Variants in ZNF236 observed in about 807,000 individuals in gnomAD.
The protein encoded by ZNF236 is zinc finger protein 236, also known as regulated by glucose.
ZNF236 carries 50 observed loss-of-function variants against 191.2 expected under a neutral mutation model. The observed-to-expected ratio is 0.26, with a 90% CI of 0.21 to 0.33. The LOEUF is 0.33. Among genes scored for constraint, ZNF236 ranks in the 10% least tolerant of loss-of-function variants. The pLI is 1.00. For synonymous variants in ZNF236, 907 were observed against 928.8 expected (o/e 0.98, Z 0.43); for missense variants, 1,754 against 2,374.5 (o/e 0.74, Z 5.43).
chr18:76,922,500 C>T (rs1476321554), intron 20 of ZNF236, among the ~76,000 whole-genome samples: 2 of 151,502 alleles, frequency 1.3e-5, no homozygotes, highest in African/African-American at 4.8e-5. Flanking sequence ...ACTCTGATAT[C>T]GTTTGGGTTT....
chr18:76,842,602 TTAGCTGGGTGTGG>T (rs112851915), intron 1 of ZNF236, among the ~76,000 whole-genome samples: 2,202 of 152,152 alleles, frequency 0.014, 62 homozygotes, highest in African/African-American at 0.05. Flanking sequence ...AAATACAAAA[TTAGCTGGGTGTGG>T]TGGCGCATGC....
intron 26 of ZNF236, among the ~76,000 whole-genome samples, chr18:76,947,106 G>A (rs592504): frequency 0.48 from 73,541 of 151,758 alleles, 19,555 homozygotes; most frequent in Non-Finnish European, 0.59. Flanking sequence ...AGATGCATCC[G>A]TTCTGGGTAT....
intron 30 of ZNF236, among the ~76,000 whole-genome samples, chr18:76,963,448 C>A (rs1467282310): frequency 6.6e-6 from 1 of 152,092 alleles, no homozygotes; most frequent in Non-Finnish European, 1.5e-5. Context: ...GGTGGAGTAT[C>A]TTTTTGATAT....
At position 76,960,259 on chromosome 18, in the gene ZNF236, GA is replaced by G. The variant is rs1052106139; in HGVS notation, c.5243-412del. Among the ~76,000 whole-genome samples, 3 of 152,006 alleles carry G rather than the reference GA, an allele frequency of 2.0e-5. No individual in the cohort carries two copies. Among genetic ancestry groups the G allele is most frequent in the Non-Finnish European group, 1.5e-5 (1 of 67,958 alleles). Reference sequence around the variant, plus strand: ...ATCTGCTCAAACCTTTTGTCTTAGAGAAAAAAAACACACGGAACAAAGAAAC... The same window carrying G: ...ATCTGCTCAAACCTTTTGTCTTAGAGAAAAAAACACACGGAACAAAGAAAC... On this transcript the variant is annotated intron_variant, in intron 29 of 30. Transcript: ENST00000320610. The surrounding 1 kb of genome is among the most constrained non-coding windows in gnomAD (Gnocchi z 4.4).
At chr18:76,895,890 A>C (rs957025681) in intron 10 of ZNF236, among the ~76,000 whole-genome samples, 3 of 147,384 alleles carry the variant, frequency 2.0e-5, no homozygotes, top group Non-Finnish European at 4.6e-5. Context: ...TGCTGTACCC[A>C]CACTGGTACT....
intron 26 of ZNF236, among the ~76,000 whole-genome samples, chr18:76,941,643 G>A (rs185053570): frequency 6.6e-6 from 1 of 152,172 alleles, no homozygotes; most frequent in East Asian, 1.9e-4. Flanking sequence ...TGAGCAGCAC[G>A]AGCCGGGTGG....
Position 76,875,212 on chromosome 18 carries a change from TTTGCCTGATCCCCTGGAAGGATGGCA to T in ZNF236, c.668-246_668-221del, listed in dbSNP as rs557282291. Among the ~76,000 whole-genome samples the T allele has an allele frequency of 3.4e-3, 511 of 152,162 alleles. No individual in the cohort carries two copies. Among genetic ancestry groups the T allele is most frequent in the South Asian group, 5.0e-3 (24 of 4,816 alleles). On this transcript the variant is annotated intron_variant, in intron 5 of 30. Coordinates refer to ENST00000320610, the MANE Select transcript of ZNF236 (RefSeq NM_001306089.2). This position sits in a 1 kb window ranked among gnomAD's most constrained non-coding sequence, Gnocchi z 4.3. ...AAAGATAAGGATGACTCCAAGGTTT[TTTGCCTGATCCCCTGGAAGGATGGCA>T]TTGCCTGATCCCCTGGAAGGATGGC...
chr18:76,900,583 T>C (rs1220060615), intron 11 of ZNF236, among the ~76,000 whole-genome samples: 2 of 152,132 alleles, frequency 1.3e-5, no homozygotes, highest in Non-Finnish European at 2.9e-5. Flanking sequence ...ACTTATAAAA[T>C]AGCCATCCAA....
In ZNF236 at chr18:76,960,012, G is replaced by A. The variant is rs183896291; in HGVS notation, c.5242+196G>A. On this transcript the variant is annotated intron_variant, in intron 29 of 30. Coordinates refer to ENST00000320610, the MANE Select transcript of ZNF236 (RefSeq NM_001306089.2). The surrounding 1 kb of genome is among the most constrained non-coding windows in gnomAD (Gnocchi z 4.4). ...AACTTTTCACATGGAAGATTTTGCT[G>A]CTTACATTATGACCATATGAAACAG... Among the ~76,000 whole-genome samples, 144 of 152,234 alleles carry A rather than the reference G, an allele frequency of 9.5e-4. 1 individual carries two copies. Among genetic ancestry groups the A allele is most frequent in the African/African-American group, 3.1e-3 (128 of 41,538 alleles).
chr18:76,936,534 T>C (rs943078788), intron 25 of ZNF236, among the ~76,000 whole-genome samples: 2 of 152,246 alleles, frequency 1.3e-5, no homozygotes, highest in Non-Finnish European at 2.9e-5. Context: ...TGAAGAAAAT[T>C]AAGATGTCAT....
intron 18 of ZNF236, among the ~76,000 whole-genome samples, chr18:76,914,697 T>A (rs1967309158): frequency 6.6e-6 from 1 of 152,212 alleles, no homozygotes; most frequent in African/African-American, 2.4e-5. Flanking sequence ...TCTGTTCTAA[T>A]CCTATGCCCA....
At chr18:76,952,503 T>A (rs1263071554) in intron 27 of ZNF236, among the ~76,000 whole-genome samples, 1 of 152,180 alleles carries the variant, frequency 6.6e-6, no homozygotes, top group Non-Finnish European at 1.5e-5. Context: ...CTGGGACCAT[T>A]TGAAGCACCC....
rs1967350764 is a variant in ZNF236 at position 76,915,919 on chromosome 18, A to G, written c.3274+60A>G. On this transcript the variant is annotated intron_variant, in intron 19 of 30. Coordinates refer to ENST00000320610, the MANE Select transcript of ZNF236 (RefSeq NM_001306089.2). ...CCGATGCTAATTTAGGAATAAATCC[A>G]TTCACAAATCACCGTGAGTATTTTG... is the stretch of plus-strand genomic sequence containing the variant. 4 of 1,513,400 alleles carry G rather than the reference A, an allele frequency of 2.6e-6. No individual in the cohort carries two copies. The Admixed American group carries it at 6.9e-5, about 26-fold the overall frequency. The allele number at this position is 1,513,400 out of a possible 1,614,324, so 93.7% of individuals were successfully genotyped here. A position where few individuals can be genotyped will look rare whatever the true frequency, so the allele number is the denominator to read the frequency against.
At chr18:76,870,242 G>A (rs1174733615) in intron 4 of ZNF236, among the ~76,000 whole-genome samples, 1 of 150,390 alleles carries the variant, frequency 6.6e-6, no homozygotes, top group East Asian at 2.0e-4. Context: ...AATGTGGTAC[G>A]CACCTAATGC....
Position 76,909,247 on chromosome 18 carries a change from G to A in ZNF236, c.2551+674G>A, listed in dbSNP as rs536869919. 1.6e-4 allele frequency among the ~76,000 whole-genome samples: 24 copies of A among 151,146 alleles called. 1 individual carries two copies. The East Asian group carries it at 4.5e-3, about 28-fold the overall frequency. ...GGAGAATTGCTTGAACCTGGGAGGC[G>A]GAGGTTGCAGTGAGCCGAGATGGCG... On this transcript the variant is annotated intron_variant, in intron 14 of 30. Transcript: ENST00000320610.
chr18:76,851,126 A>G (rs1455835699), intron 2 of ZNF236, among the ~76,000 whole-genome samples: 2 of 149,944 alleles, frequency 1.3e-5, no homozygotes, highest in Non-Finnish European at 3.0e-5. Context: ...TTGAGAATAC[A>G]TTATTAGAAT....
At chr18:76,833,131 G>A (rs9954909) in intron 1 of ZNF236, among the ~76,000 whole-genome samples, 107,909 of 152,024 alleles carry the variant, frequency 0.71, 39,147 homozygotes, top group African/African-American at 0.86. Context: ...AATTTTCTCT[G>A]TAATCATATT....
intron 17 of ZNF236, among the ~76,000 whole-genome samples, chr18:76,912,738 TAGAA>T (rs2122773471): frequency 1.3e-5 from 2 of 152,364 alleles, no homozygotes; most frequent in East Asian, 1.9e-4. Flanking sequence ...ACAGCACAAT[TAGAA>T]AGACAGCTTT....
chr18:76,874,954 G>A (rs1976673746), intron 5 of ZNF236, among the ~76,000 whole-genome samples: 1 of 152,192 alleles, frequency 6.6e-6, no homozygotes, highest in Non-Finnish European at 1.5e-5. Flanking sequence ...GCCATTGAGG[G>A]TTTTCAGCAG....
Sources: allele counts gnomAD v4.1 joint callset (sites outside exome capture counted in the v4.1 genomes callset), GRCh38; gene constraint gnomAD v4.1.1; non-coding constraint Gnocchi (gnomAD v3.1); transcripts MANE v1.5; gene names NCBI Gene and HGNC (gene_info 2026-07-23, HGNC 2026-07-21).